The following ZNF273 variants were observed in gnomAD, a reference collection of about 807,000 sequenced individuals.
ZNF273 encodes zinc finger protein 9.
In ZNF273, 11 loss-of-function variants were observed where a neutral mutation model predicts 14.9. The observed-to-expected ratio is 0.74, with a 90% CI of 0.46 to 1.22. ZNF273 has a LOEUF of 1.22. Ranked by LOEUF, ZNF273 falls within the 50% of genes most tolerant of loss-of-function variation. The pLI is 0.00. For missense variants in ZNF273, 577 were observed against 660.6 expected (o/e 0.87, Z 1.39); for synonymous variants, 199 against 223.9 (o/e 0.89, Z 0.99).
chr7:64,897,145 C>T (rs1026835121), intron 3 of ZNF273, among the ~76,000 whole-genome samples: 1 of 152,110 alleles, frequency 6.6e-6, no homozygotes, highest in African/African-American at 2.4e-5. Context: ...TGTCTCTTAC[C>T]TTAACATGTA....
At chr7:64,914,182 ATTTTT>A (rs375695781) in intron 1 of ZNF273, among the ~76,000 whole-genome samples, 2 of 70,888 alleles carry the variant, frequency 2.8e-5, no homozygotes, top group African/African-American at 1.3e-4. Context: ...TAATTTTTGT[ATTTTT>A]TTTTTTTTTT....
intron 3 of ZNF273, among the ~76,000 whole-genome samples, chr7:64,925,139 G>A (rs1365492054): frequency 1.3e-5 from 2 of 152,062 alleles, no homozygotes; most frequent in South Asian, 2.1e-4. Flanking sequence ...TTTATTAAAT[G>A]TATGTCTCTT....
rs776027136 is a variant in ZNF273 at position 64,903,398 on chromosome 7, A to G, written c.81A>G (p.Gly27=). The change falls in exon 1 of 4, where the codon GGA becomes GGG. Residue 27 remains glycine (G), a synonymous_variant. Transcript: ENST00000476120. ...GIGRSTAKTP[G]LPGSLEMGPL... is the part of the protein sequence containing the mutation. ...GGAGATCCACAGCTAAGACGCCAGG[A>G]CTCCCTGGAAGCCTAGAAATGGTGA... 5 of 1,612,686 alleles carry G rather than the reference A, an allele frequency of 3.1e-6. No individual in the cohort carries two copies. In the African/African-American group the frequency reaches 4.0e-5, roughly 13 times the overall value.
chr7:64,896,297 C>T (rs1329668429), intron 3 of ZNF273, among the ~76,000 whole-genome samples: 6 of 152,016 alleles, frequency 3.9e-5, no homozygotes, highest in Admixed American at 3.9e-4. Context: ...CACTAAATGT[C>T]TAATATATTT....
At chr7:64,899,560 C>A, upstream of ZNF273, among the ~76,000 whole-genome samples, 1 of 150,180 alleles carries the variant, frequency 6.7e-6, no homozygotes, top group African/African-American at 2.5e-5. Context: ...AAGGCTGAGG[C>A]AAGAGAATCA....
chr7:64,898,531 T>G (rs927695478), upstream of ZNF273, among the ~76,000 whole-genome samples: 4 of 152,268 alleles, frequency 2.6e-5, no homozygotes, highest in African/African-American at 9.6e-5. Context: ...TAAGTGTCTC[T>G]GACTTTCCTG....
At chr7:64,894,810 G>A (rs1792260486), downstream of ZNF273, among the ~76,000 whole-genome samples, 1 of 152,162 alleles carries the variant, frequency 6.6e-6, no homozygotes, top group East Asian at 1.9e-4. Context: ...AAACATATTA[G>A]TATTAGGTTT....
chr7:64,888,368 A>C (rs1562948944), intron 1 of ZNF273: 1 of 985,274 alleles, frequency 1.0e-6, no homozygotes. Flanking sequence ...GAAGCGGGTT[A>C]TGAAGATGAG....
At chr7:64,896,716 A>G (rs1197393340) in intron 3 of ZNF273, among the ~76,000 whole-genome samples, 5 of 152,308 alleles carry the variant, frequency 3.3e-5, no homozygotes, top group Admixed American at 1.3e-4. Context: ...CGCAGCTCCA[A>G]GGATGTAAAT....
At chr7:64,914,999 G>A (rs746860741) in intron 1 of ZNF273, among the ~76,000 whole-genome samples, 1 of 149,738 alleles carries the variant, frequency 6.7e-6, no homozygotes, top group African/African-American at 2.5e-5. Context: ...AATGCCATGC[G>A]TTTAGTACTT....
chr7:64,931,381 A>G (rs1029679049), downstream of ZNF273, among the ~76,000 whole-genome samples: 1 of 152,072 alleles, frequency 6.6e-6, no homozygotes, highest in Non-Finnish European at 1.5e-5. Flanking sequence ...AGAGCCATAC[A>G]TTTCTTTTTT....
At chr7:64,931,431 C>A (rs77823424), downstream of ZNF273, among the ~76,000 whole-genome samples, 1 of 151,956 alleles carries the variant, frequency 6.6e-6, no homozygotes, top group Non-Finnish European at 1.5e-5. Flanking sequence ...ATTATATGAG[C>A]TGGTCAGGGA....
At chr7:64,886,762 A>G (rs1333572228) in intron 1 of ZNF273, among the ~76,000 whole-genome samples, 1 of 152,264 alleles carries the variant, frequency 6.6e-6, no homozygotes, top group African/African-American at 2.4e-5. Flanking sequence ...GCACACCTGC[A>G]TGAGGTGACC....
chr7:64,922,577 G>A (rs1414379027), intron 3 of ZNF273, among the ~76,000 whole-genome samples: 1 of 151,962 alleles, frequency 6.6e-6, no homozygotes, highest in Non-Finnish European at 1.5e-5. Flanking sequence ...CTCCCAAAGT[G>A]CTGGGATTAC....
chr7:64,902,455 C>A (rs531182190), upstream of ZNF273, among the ~76,000 whole-genome samples: 6 of 152,244 alleles, frequency 3.9e-5, no homozygotes, highest in South Asian at 4.1e-4. Flanking sequence ...TGAGGCCAGG[C>A]GCGGTGGCTC....
At chr7:64,912,826 G>GTTTTGTTTTTTTTTTTTTTTTTTTTTTTT (rs746174998) in intron 1 of ZNF273, among the ~76,000 whole-genome samples, 1 of 36,568 alleles carries the variant, frequency 2.7e-5, no homozygotes, top group Non-Finnish European at 5.7e-5. Flanking sequence ...ATTCATTTTA[G>GTTTTGTTTTTTTTTTTTTTTTTTTTTTTT]TTTTTTTTTT....
intron 1 of ZNF273, among the ~76,000 whole-genome samples, chr7:64,909,991 TGAA>T (rs1562958050): frequency 2.6e-5 from 4 of 152,192 alleles, no homozygotes; most frequent in African/African-American, 7.2e-5. Context: ...TGTCTTCTCT[TGAA>T]GAACATCTGT....
At chr7:64,889,985 A>T (rs1190255151), downstream of ZNF273, 2 of 155,434 alleles carry the variant, frequency 1.3e-5, no homozygotes, top group Admixed American at 1.3e-4. This position sits in a 1 kb window ranked among gnomAD's most constrained non-coding sequence, Gnocchi z 4.2. Flanking sequence ...ACCAGGGGTC[A>T]CTGCCCCAGC....
intron 3 of ZNF273, among the ~76,000 whole-genome samples, chr7:64,897,071 G>A (rs1034068090): frequency 2.0e-5 from 3 of 152,158 alleles, no homozygotes; most frequent in African/African-American, 7.2e-5. Flanking sequence ...GCAGAGAGTA[G>A]AATGATGATT....
Sources: gnomAD v4.1 joint callset for allele counts (sites outside exome capture counted in the v4.1 genomes callset) on GRCh38, gnomAD v4.1.1 for gene constraint, Gnocchi (gnomAD v3.1) non-coding constraint, MANE v1.5 for transcripts, NCBI Gene and HGNC (gene_info 2026-07-23, HGNC 2026-07-21) for gene names.